KCNH5: variants seen among roughly 807,000 people sequenced by gnomAD.
KCNH5 encodes the protein voltage-gated delayed rectifier potassium channel KCNH5.
In KCNH5, 46 loss-of-function variants were observed where a neutral mutation model predicts 96.1. That is an observed-to-expected ratio of 0.48 (90% CI 0.38 to 0.61). The LOEUF is 0.61. KCNH5 is among the 20% of genes least tolerant of loss of function. The pLI, the probability that KCNH5 is intolerant of heterozygous loss-of-function variation, is 0.00. For missense variants in KCNH5, 907 were observed against 1,225.8 expected, an observed-to-expected ratio of 0.74 and a Z score of 3.88; for synonymous variants, 439 against 449.8, an observed-to-expected ratio of 0.98 and a Z score of 0.30.
Position 62,791,533 on chromosome 14 carries a change from C to A in KCNH5, c.1822+10796G>T, listed in dbSNP as rs111663952. ...TCTAACTATATTCTACCTATAAGAA[C>A]TATTTTAGATTTAAGGACACACATG... On this transcript the variant is annotated intron_variant, in intron 9 of 10. Transcript: ENST00000322893. 3.0e-4 allele frequency among the ~76,000 whole-genome samples: 46 copies of A among 151,652 alleles called. 1 individual carries two copies. Among genetic ancestry groups the A allele is most frequent in the Middle Eastern group, 3.4e-3 (1 of 294 alleles).
At chr14:63,029,240 C>T (rs570822170) in intron 1 of KCNH5, among the ~76,000 whole-genome samples, 1 of 152,036 alleles carries the variant, frequency 6.6e-6, no homozygotes, top group African/African-American at 2.4e-5. Flanking sequence ...ATCAATATAC[C>T]ACAAGGAGCC....
intron 10 of KCNH5, among the ~76,000 whole-genome samples, chr14:62,749,680 G>A (rs1171803238): frequency 1.3e-5 from 2 of 152,174 alleles, no homozygotes; most frequent in Admixed American, 1.3e-4. Context: ...TATTTCAAAA[G>A]GGCTGAGCTG....
chr14:63,041,004 C>A (rs1430381518), intron 1 of KCNH5, among the ~76,000 whole-genome samples: 1 of 152,016 alleles, frequency 6.6e-6, no homozygotes, highest in Non-Finnish European at 1.5e-5. Flanking sequence ...AAATAAACTT[C>A]CAATTTGTCA....
chr14:62,759,039 T>G (rs1402032291), intron 10 of KCNH5, among the ~76,000 whole-genome samples: 1 of 151,538 alleles, frequency 6.6e-6, no homozygotes, highest in Non-Finnish European at 1.5e-5. Flanking sequence ...GATCTCAAAT[T>G]TTTAGTTCTG....
intron 7 of KCNH5, among the ~76,000 whole-genome samples, chr14:62,916,276 G>T (rs1020862210): frequency 1.3e-5 from 2 of 152,144 alleles, no homozygotes; most frequent in Non-Finnish European, 2.9e-5. Context: ...TCCAAGTGTG[G>T]CTGATGTTCA....
In KCNH5 at chr14:62,937,488, CT is replaced by C. The variant is rs568619722; in HGVS notation, c.1369+12644del. On this transcript the variant is annotated intron_variant, in intron 7 of 10. Coordinates refer to ENST00000322893, the MANE Select transcript of KCNH5 (RefSeq NM_139318.5). ...GAATGGTTTGCACCCTTGGCCACCC[CT>C]AGCCCACCTTCCTAAGGGGAGAGTC... is the stretch of plus-strand genomic sequence containing the variant. Among the ~76,000 whole-genome samples, 631 of 152,312 alleles carry C rather than the reference CT, an allele frequency of 4.1e-3. 4 individuals are homozygous for C. Among genetic ancestry groups the C allele is most frequent in the Middle Eastern group, 6.8e-3 (2 of 294 alleles).
At chr14:62,896,287 G>A (rs1888810587) in intron 7 of KCNH5, among the ~76,000 whole-genome samples, 1 of 152,124 alleles carries the variant, frequency 6.6e-6, no homozygotes, top group African/African-American at 2.4e-5. Flanking sequence ...GCTGCATAAG[G>A]ACCTATATAT....
chr14:62,763,317 G>A lies in KCNH5; in HGVS notation c.2019+16411C>T, dbSNP rs542218081. 2.0e-3 allele frequency among the ~76,000 whole-genome samples: 310 copies of A among 151,922 alleles called. 1 individual carries two copies. Among genetic ancestry groups the A allele is most frequent in the African/African-American group, 7.0e-3 (288 of 41,434 alleles). On this transcript the variant is annotated intron_variant, in intron 10 of 10. Coordinates refer to ENST00000322893, the MANE Select transcript of KCNH5 (RefSeq NM_139318.5). ...CTTCTGGGTAAACAATGAAATTAAGGCAAAAATCAAGAAATTCTTTGAAAG... is the reference window on the plus strand; with the variant it reads ...CTTCTGGGTAAACAATGAAATTAAGACAAAAATCAAGAAATTCTTTGAAAG...
At chr14:62,730,791 G>T (rs1249051892) in intron 10 of KCNH5, among the ~76,000 whole-genome samples, 1 of 152,094 alleles carries the variant, frequency 6.6e-6, no homozygotes, top group East Asian at 1.9e-4. Context: ...CCCATGCAAA[G>T]ACACATATAT....
At chr14:63,007,105 C>T (rs1176906816) in intron 2 of KCNH5, among the ~76,000 whole-genome samples, 2 of 152,062 alleles carry the variant, frequency 1.3e-5, no homozygotes, top group Non-Finnish European at 2.9e-5. Context: ...AATACTACTG[C>T]CATTTGGGAG....
chr14:63,035,709 T>C (rs767959518), intron 1 of KCNH5, among the ~76,000 whole-genome samples: 5 of 152,212 alleles, frequency 3.3e-5, no homozygotes, highest in African/African-American at 4.8e-5. Context: ...CCTTAGTAAA[T>C]TGAACTCAAA....
intron 7 of KCNH5, among the ~76,000 whole-genome samples, chr14:62,882,294 C>T (rs573204362): frequency 4.6e-5 from 7 of 152,006 alleles, no homozygotes; most frequent in African/African-American, 1.4e-4. Context: ...ACTGAAAACC[C>T]TTCAATATTG....
chr14:62,988,388 A>G (rs1264100463), intron 4 of KCNH5, among the ~76,000 whole-genome samples: 3 of 152,256 alleles, frequency 2.0e-5, no homozygotes, highest in African/African-American at 7.2e-5. Flanking sequence ...ACAAAAAAAA[A>G]ATTAAGGAAG....
chr14:62,909,378 A>T (rs1239885953), intron 7 of KCNH5, among the ~76,000 whole-genome samples: 1 of 152,190 alleles, frequency 6.6e-6, no homozygotes, highest in Non-Finnish European at 1.5e-5. Flanking sequence ...ATAGAACCAG[A>T]CAAGGGATAT....
At chr14:62,913,915 G>A (rs916195055) in intron 7 of KCNH5, among the ~76,000 whole-genome samples, 3 of 151,986 alleles carry the variant, frequency 2.0e-5, no homozygotes, top group African/African-American at 7.2e-5. Context: ...AAACATCCCA[G>A]CTAAAATCCC....
chr14:62,975,021 A>G (rs570828416), intron 6 of KCNH5, among the ~76,000 whole-genome samples: 6 of 152,316 alleles, frequency 3.9e-5, no homozygotes, highest in Non-Finnish European at 7.4e-5. Flanking sequence ...TTTATTCCTT[A>G]TAATCACCTT....
intron 8 of KCNH5, among the ~76,000 whole-genome samples, chr14:62,821,837 C>G (rs1318648917): frequency 2.0e-5 from 3 of 152,078 alleles, no homozygotes; most frequent in African/African-American, 7.2e-5. Flanking sequence ...TCAAATCCTG[C>G]AAACATGATC....
intron 10 of KCNH5, among the ~76,000 whole-genome samples, chr14:62,717,854 T>C (rs1199588563): frequency 6.6e-6 from 1 of 152,166 alleles, no homozygotes; most frequent in Non-Finnish European, 1.5e-5. Context: ...AAAAGGCAAC[T>C]CACAGAATTA....
In KCNH5 at chr14:62,707,542, G is replaced by T; in HGVS notation, c.2933C>A (p.Ser978Ter). The change falls in exon 11 of 11, where the codon TCA (serine) becomes TAA (stop). Residue 978 changes from serine (S) to a stop codon, truncating the protein, a stop_gained. Transcript: ENST00000322893. LOFTEE classifies it high-confidence loss of function. The stretch of plus-strand genomic sequence containing the variant: ...GATTTCATCTTTGTCAGATTCAGGT[G>T]ATTCAGGCCTTGAGACACTAAAAAT... Reference protein sequence around the residue: ...QDIFSVSRPESPESDKDEIHF With the variant: ...QDIFSVSRPE The T allele has an allele frequency of 1.4e-6, 2 of 1,466,496 alleles. No homozygotes were observed. Among genetic ancestry groups the T allele is most frequent in the Non-Finnish European group, 1.8e-6 (2 of 1,106,770 alleles). 90.8% of individuals were successfully genotyped at this position (1,466,496 alleles called of 1,614,324 possible).
Sources: gnomAD v4.1 joint callset for allele counts (sites outside exome capture counted in the v4.1 genomes callset) on GRCh38, gnomAD v4.1.1 for gene constraint, MANE v1.5 for transcripts, NCBI Gene and HGNC (gene_info 2026-07-23, HGNC 2026-07-21) for gene names.